SNX9: variants seen among roughly 807,000 people sequenced by gnomAD.
SNX9 encodes sorting nexin-9.
In SNX9, 44 loss-of-function variants were observed where a neutral mutation model predicts 89.4. The ratio of observed to expected loss-of-function variants is 0.49; its 90% CI spans 0.39 to 0.63. The LOEUF (loss-of-function observed/expected upper bound fraction) is 0.63. Ranked by LOEUF, SNX9 falls within the 30% of genes least tolerant of loss-of-function variation. The pLI is 0.00. For synonymous variants in SNX9, 236 were observed against 247.8 expected (o/e 0.95, Z 0.45); for missense variants, 578 against 736.1 (o/e 0.79, Z 2.49).
chr6:157,893,907 A>C (rs1278121899), intron 4 of SNX9, among the ~76,000 whole-genome samples: 1 of 152,102 alleles, frequency 6.6e-6, no homozygotes, highest in Non-Finnish European at 1.5e-5. Flanking sequence ...TTTCTATGAA[A>C]GTGTGGTACT....
At chr6:157,836,629 C>T (rs996797107) in intron 1 of SNX9, among the ~76,000 whole-genome samples, 11 of 151,324 alleles carry the variant, frequency 7.3e-5, no homozygotes, top group Admixed American at 3.3e-4. Context: ...GTCTTACTCT[C>T]GCCCAGGCTG....
chr6:157,890,256 C>T (rs760427874), intron 4 of SNX9, among the ~76,000 whole-genome samples: 21 of 152,168 alleles, frequency 1.4e-4, no homozygotes, highest in Admixed American at 2.6e-4. Context: ...TGTGCGTGTC[C>T]GTCTCCCCCA....
At chr6:157,927,930 AAC>A (rs71689763) in intron 11 of SNX9, among the ~76,000 whole-genome samples, 452 of 148,522 alleles carry the variant, frequency 3.0e-3, no homozygotes, top group African/African-American at 7.9e-3. Context: ...ATAGACAAGT[AAC>A]ACACACACAC....
chr6:157,845,335 TCCTGA>T (rs1486788372), intron 1 of SNX9, among the ~76,000 whole-genome samples: 2 of 152,076 alleles, frequency 1.3e-5, no homozygotes, highest in African/African-American at 4.8e-5. Flanking sequence ...GTTCTCAAAC[TCCTGA>T]CCTCAGGTGG....
intron 4 of SNX9, among the ~76,000 whole-genome samples, chr6:157,890,148 C>T (rs1583219290): frequency 1.3e-5 from 2 of 152,300 alleles, no homozygotes; most frequent in African/African-American, 2.4e-5. Context: ...TTAAACTCCA[C>T]CTAGTGTACC....
chr6:157,920,570 G>A (rs1008898601), intron 9 of SNX9, among the ~76,000 whole-genome samples: 1 of 152,194 alleles, frequency 6.6e-6, no homozygotes, highest in Non-Finnish European at 1.5e-5. Context: ...CACCATCGTC[G>A]CCTGAAGTTC....
chr6:157,873,017 T>C, intron 2 of SNX9, 85 bp from the exon 3 acceptor site: 2 of 1,045,944 alleles, frequency 1.9e-6, no homozygotes, highest in South Asian at 2.1e-5. Context: ...TTTTTTTATG[T>C]ATAACAATTC....
At chr6:157,880,230 A>G (rs1782597248) in intron 4 of SNX9, among the ~76,000 whole-genome samples, 1 of 152,178 alleles carries the variant, frequency 6.6e-6, no homozygotes, top group African/African-American at 2.4e-5. Flanking sequence ...GAACCTCCTG[A>G]ATAGTCAGTG....
In SNX9 at chr6:157,875,050, G is replaced by C; in HGVS notation, c.175-1G>C. 6.2e-7 allele frequency: 1 copy of C among 1,613,708 alleles called. No homozygotes were observed. The highest frequency in any genetic ancestry group is 8.5e-7 in the Non-Finnish European group (1 of 1,179,852). ...TAATTGCGGCTCTTTCTCCTATTCAGATTTTACCCAGTGATGGAAAAGATC... is the reference window on the plus strand; with the variant it reads ...TAATTGCGGCTCTTTCTCCTATTCACATTTTACCCAGTGATGGAAAAGATC... On this transcript the variant is annotated splice_acceptor_variant, in intron 3 of 17. Transcript: ENST00000392185. LOFTEE classifies it high-confidence loss of function.
At chr6:157,938,527 C>G (rs1783971704) in intron 15 of SNX9, 106 bp from the exon 16 acceptor site, 1 of 673,084 alleles carries the variant, frequency 1.5e-6, no homozygotes, top group African/African-American at 1.8e-5. Flanking sequence ...GAGGTATTTC[C>G]TGTTCAGTAG....
At chr6:157,837,194 G>A (rs546688858) in intron 1 of SNX9, among the ~76,000 whole-genome samples, 9 of 152,168 alleles carry the variant, frequency 5.9e-5, no homozygotes, top group Non-Finnish European at 1.2e-4. Context: ...TTGTAGTGTT[G>A]TCAGTAACTT....
At chr6:157,942,479 G>A (rs1411619994) in intron 17 of SNX9, among the ~76,000 whole-genome samples, 1 of 152,244 alleles carries the variant, frequency 6.6e-6, no homozygotes, top group Non-Finnish European at 1.5e-5. Context: ...CAAACATGAA[G>A]GCCTGAGCCC....
chr6:157,876,940 G>A (rs1782533113), intron 4 of SNX9, among the ~76,000 whole-genome samples: 1 of 152,220 alleles, frequency 6.6e-6, no homozygotes, highest in South Asian at 2.1e-4. Context: ...AGCCAGTTGA[G>A]ATTCACTGAG....
At chr6:157,918,217 C>T (rs913393590) in intron 9 of SNX9, among the ~76,000 whole-genome samples, 3 of 152,088 alleles carry the variant, frequency 2.0e-5, no homozygotes, top group Non-Finnish European at 4.4e-5. Context: ...TGAAATTTAA[C>T]ATTATGATTA....
At chr6:157,914,418 G>C (rs1479476336) in intron 9 of SNX9, among the ~76,000 whole-genome samples, 1 of 146,418 alleles carries the variant, frequency 6.8e-6, no homozygotes, top group South Asian at 2.2e-4. Context: ...TTAGATAAGT[G>C]ATTTGCAAAT....
chr6:157,925,056 A>C (rs760700422), intron 10 of SNX9, among the ~76,000 whole-genome samples: 1 of 152,232 alleles, frequency 6.6e-6, no homozygotes, highest in Non-Finnish European at 1.5e-5. Context: ...ATTAGACTAC[A>C]TTAGAACTTC....
At chr6:157,864,187 G>C (rs1445476908) in intron 1 of SNX9, among the ~76,000 whole-genome samples, 1 of 152,102 alleles carries the variant, frequency 6.6e-6, no homozygotes, top group Admixed American at 6.5e-5. Flanking sequence ...CTCCTCCAGG[G>C]GTAAGGGTGT....
At chr6:157,871,717 A>T (rs1390159024) in intron 2 of SNX9, among the ~76,000 whole-genome samples, 1 of 151,894 alleles carries the variant, frequency 6.6e-6, no homozygotes. Context: ...AGATGTGTAT[A>T]AGTTAAATAG....
Position 157,940,872 on chromosome 6 carries a change from T to C in SNX9, c.1649-11T>C, listed in dbSNP as rs760584330. The C allele has an allele frequency of 5.0e-6, 8 of 1,613,054 alleles. No homozygotes were observed. In the Admixed American group the frequency reaches 1.2e-4, roughly 24 times the overall value. ...AGGGAAAACTGATTGATGTTCTGATTTGGGTTGTAGCTGAGATGAATCACT... is the reference window on the plus strand; with the variant it reads ...AGGGAAAACTGATTGATGTTCTGATCTGGGTTGTAGCTGAGATGAATCACT... On this transcript the variant is annotated splice_polypyrimidine_tract_variant and intron_variant, in intron 16 of 17. Coordinates refer to ENST00000392185, the MANE Select transcript of SNX9 (RefSeq NM_016224.5).
Sources: allele counts gnomAD v4.1 joint callset (sites outside exome capture counted in the v4.1 genomes callset), GRCh38; gene constraint gnomAD v4.1.1; transcripts MANE v1.5; gene names NCBI Gene and HGNC (gene_info 2026-07-23, HGNC 2026-07-21).